Variants in SLCO2B1 observed in about 807,000 individuals in gnomAD.
SLCO2B1 encodes solute carrier organic anion transporter family member 2B1.
A neutral mutation model predicts 67.3 loss-of-function variants in SLCO2B1; 41 were observed. The observed-to-expected ratio is 0.61, with a 90% confidence interval of 0.47 to 0.79. The LOEUF (loss-of-function observed/expected upper bound fraction) is 0.79, where lower values mean the gene tolerates loss of function less well. Ranked by LOEUF, SLCO2B1 falls within the 30% of genes least tolerant of loss-of-function variation. The probability of loss-of-function intolerance (pLI) is 0.00; values close to 1 mark genes in which losing one functional copy is unlikely to be tolerated. For missense variants in SLCO2B1, 837 were observed against 920.1 expected, an observed-to-expected ratio of 0.91 and a Z score of 1.17; for synonymous variants, 379 against 381.4, an observed-to-expected ratio of 0.99 and a Z score of 0.07.
chr11:75,176,644 T>C (rs1591821267), intron 7 of SLCO2B1, among the ~76,000 whole-genome samples: 3 of 152,302 alleles, frequency 2.0e-5, no homozygotes, highest in Middle Eastern at 3.4e-3. Context: ...TTAACTTCCA[T>C]GTTCTTCTTT....
Position 75,169,291 on chromosome 11 carries a change from G to A in SLCO2B1, c.567G>A (p.Val189=). ...CAGAAACCCAGCATCTGAGTGTGGT[G>A]GGGATCATGTTCGTGGCACAGACCC... ...SYTETQHLSV[V]GIMFVAQTLL... Residue 189 remains valine, a synonymous_variant, in exon 5 of 14, where the codon GTG becomes GTA. Transcript: ENST00000289575. 1.9e-6 allele frequency: 3 copies of A among 1,614,162 alleles called. No individual in the cohort carries two copies. The highest frequency in any genetic ancestry group is 1.7e-5 in the Admixed American group (1 of 60,026).
chr11:75,196,057 G>T (rs1945092637), intron 9 of SLCO2B1, among the ~76,000 whole-genome samples: 1 of 152,236 alleles, frequency 6.6e-6, no homozygotes, highest in African/African-American at 2.4e-5. Context: ...GACAGGCAGA[G>T]AAACTGAGGC....
chr11:75,196,677 C>T lies in SLCO2B1; in HGVS notation c.1597C>T (p.Gln533Ter), dbSNP rs1237021929. 1 of 1,612,392 alleles carries T rather than the reference C, an allele frequency of 6.2e-7. No homozygotes were observed. The highest frequency in any genetic ancestry group is 2.2e-5 in the East Asian group (1 of 44,848). ...WVVQDALDNS[Q>*]VFYTNCSCVV... ...GGTCCAGGATGCTCTGGACAACAGCCAGGTGAGTCAGGCCTCTCGTGGCAA... is the reference window on the plus strand; with the variant it reads ...GGTCCAGGATGCTCTGGACAACAGCTAGGTGAGTCAGGCCTCTCGTGGCAA... The change falls in exon 10 of 14, where the codon CAG becomes TAG. Residue 533 changes from glutamine to a stop codon, truncating the protein, a stop_gained and splice_region_variant. Transcript: ENST00000289575. LOFTEE classifies it high-confidence loss of function.
chr11:75,164,941 G>A (rs1319663021), intron 3 of SLCO2B1, among the ~76,000 whole-genome samples: 1 of 152,114 alleles, frequency 6.6e-6, no homozygotes, highest in Non-Finnish European at 1.5e-5. Flanking sequence ...TCCAGGGTCA[G>A]CCATCCCCTG....
intron 7 of SLCO2B1, among the ~76,000 whole-genome samples, chr11:75,180,044 GTCTC>G (rs1263697018): frequency 6.6e-6 from 1 of 151,816 alleles, no homozygotes; most frequent in Non-Finnish European, 1.5e-5. Flanking sequence ...TTGAAATGGA[GTCTC>G]TCTCTGTCAC....
At chr11:75,201,843 T>A (rs2140347464) in intron 11 of SLCO2B1, 1 of 152,320 alleles carries the variant, frequency 6.6e-6, no homozygotes, top group South Asian at 2.1e-4. Flanking sequence ...TATGTAGGCA[T>A]GATTGATTAA....
chr11:75,151,522 C>A, intron 1 of SLCO2B1, 125 bp downstream of exon 1: 1 of 950,154 alleles, frequency 1.1e-6, no homozygotes, highest in Non-Finnish European at 1.6e-6. Flanking sequence ...TGGCACAGAG[C>A]CAGGCACATG....
At chr11:75,204,133 C>A (rs1021632793) in intron 13 of SLCO2B1, 17 of 325,838 alleles carry the variant, frequency 5.2e-5, no homozygotes, top group Non-Finnish European at 8.3e-5. Flanking sequence ...CTTGTCAGGC[C>A]CCCTGAGCCC....
intron 1 of SLCO2B1, chr11:75,157,208 C>T (rs1949756203): frequency 6.6e-6 from 1 of 152,198 alleles, no homozygotes. Context: ...GCTGATCCAT[C>T]TTTCAGGAAG....
chr11:75,175,312 GCCA>G (rs1344122617), intron 7 of SLCO2B1, among the ~76,000 whole-genome samples: 1 of 152,144 alleles, frequency 6.6e-6, no homozygotes, highest in Non-Finnish European at 1.5e-5. Flanking sequence ...GCCCAGGAGG[GCCA>G]CCAATGAGGA....
rs187325675 is a variant in SLCO2B1 at position 75,193,994 on chromosome 11, C to T, written c.1433+419C>T. ...GGAAGCATGCTCTCCATCCTGGGGACGAGAGGGGATGAGAGGGTGAGCAAG... is the reference window on the plus strand; with the variant it reads ...GGAAGCATGCTCTCCATCCTGGGGATGAGAGGGGATGAGAGGGTGAGCAAG... On this transcript the variant is annotated intron_variant, in intron 9 of 13. Coordinates refer to ENST00000289575, the MANE Select transcript of SLCO2B1 (RefSeq NM_007256.5). The surrounding 1 kb of genome is among the most constrained non-coding windows in gnomAD (Gnocchi z 4.2). 5.5e-4 allele frequency among the ~76,000 whole-genome samples: 84 copies of T among 152,062 alleles called. No homozygotes were observed. The highest frequency in any genetic ancestry group is 2.9e-3 in the Admixed American group (45 of 15,290).
At chr11:75,194,379 C>T (rs1394025061) in intron 9 of SLCO2B1, among the ~76,000 whole-genome samples, 1 of 152,216 alleles carries the variant, frequency 6.6e-6, no homozygotes, top group Admixed American at 6.5e-5. Flanking sequence ...AATTTCCCAA[C>T]TTTCTCTGTA....
chr11:75,162,964 G>A, intron 2 of SLCO2B1, 179 bp downstream of exon 2: 1 of 675,244 alleles, frequency 1.5e-6, no homozygotes, highest in South Asian at 2.0e-5. Context: ...TCGGGCACAT[G>A]GAAGGTGGCC....
chr11:75,172,620 C>T, intron 7 of SLCO2B1, 51 bp downstream of exon 7: 1 of 1,501,248 alleles, frequency 6.7e-7, no homozygotes, highest in Non-Finnish European at 9.2e-7. Context: ...GCACCACCCA[C>T]TTGTTCTCCT....
At chr11:75,189,150 C>T (rs1478633305) in intron 8 of SLCO2B1, among the ~76,000 whole-genome samples, 1 of 152,210 alleles carries the variant, frequency 6.6e-6, no homozygotes, top group Non-Finnish European at 1.5e-5. Flanking sequence ...CTCAGTCTAT[C>T]AGTAACCAGA....
chr11:75,176,419 T>C (rs1338520455), intron 7 of SLCO2B1, among the ~76,000 whole-genome samples: 1 of 152,224 alleles, frequency 6.6e-6, no homozygotes, highest in Admixed American at 6.5e-5. Flanking sequence ...ACCAGGAGTC[T>C]GTTTGTCTGT....
At chr11:75,154,513 A>T (rs1437637586) in intron 1 of SLCO2B1, among the ~76,000 whole-genome samples, 1 of 152,056 alleles carries the variant, frequency 6.6e-6, no homozygotes, top group Non-Finnish European at 1.5e-5. Context: ...AAACAACAAC[A>T]ACAACAACAA....
intron 7 of SLCO2B1, among the ~76,000 whole-genome samples, chr11:75,186,021 C>A (rs1301344582): frequency 6.6e-6 from 1 of 152,098 alleles, no homozygotes; most frequent in African/African-American, 2.4e-5. Flanking sequence ...CATCTAGAGG[C>A]TAAGAATGCC....
chr11:75,161,202 A>C (rs933804084), intron 1 of SLCO2B1, among the ~76,000 whole-genome samples: 2 of 152,214 alleles, frequency 1.3e-5, no homozygotes, highest in African/African-American at 4.8e-5. Context: ...AAGGCCACAT[A>C]TTGTGTGATT....
Sources: allele counts gnomAD v4.1 joint callset (sites outside exome capture counted in the v4.1 genomes callset), GRCh38; gene constraint gnomAD v4.1.1; non-coding constraint Gnocchi (gnomAD v3.1); transcripts MANE v1.5; gene names NCBI Gene and HGNC (gene_info 2026-07-23, HGNC 2026-07-21).